The following RIPOR2 variants were observed in gnomAD, a reference collection of about 807,000 sequenced individuals.
RIPOR2 encodes rho family-interacting cell polarization regulator 2.
In RIPOR2, 39 loss-of-function variants were observed where a neutral mutation model predicts 114.5. The observed-to-expected ratio is 0.34, with a 90% CI of 0.26 to 0.44. RIPOR2 has a LOEUF of 0.44. Ranked by LOEUF, RIPOR2 falls within the 20% of genes least tolerant of loss-of-function variation. The pLI, the probability that RIPOR2 is intolerant of heterozygous loss-of-function variation, is 1.00. For synonymous variants in RIPOR2, 445 were observed against 484.4 expected (o/e 0.92, Z 1.07); for missense variants, 1,007 against 1,255.1 (o/e 0.80, Z 2.99).
intron 1 of RIPOR2, 96 bp from the exon 2 acceptor site, chr6:24,875,913 C>T (rs944712602): frequency 8.5e-7 from 1 of 1,179,366 alleles, no homozygotes; most frequent in Non-Finnish European, 1.2e-6. Flanking sequence ...TAAAGTAAGC[C>T]ATGAGACTGT....
chr6:24,944,214 C>G (rs431796), intron 1 of RIPOR2, among the ~76,000 whole-genome samples: 26,408 of 152,054 alleles, frequency 0.17, 2,463 homozygotes, highest in East Asian at 0.34. Flanking sequence ...TTAAGGCTCT[C>G]CAGAAGCAGA....
intron 1 of RIPOR2, among the ~76,000 whole-genome samples, chr6:24,977,980 G>A (rs992831644): frequency 1.3e-4 from 20 of 152,178 alleles, no homozygotes; most frequent in African/African-American, 4.1e-4. Context: ...ATATTGAAAT[G>A]AGCCAAGGAA....
Position 24,902,043 on chromosome 6 carries a change from C to T in RIPOR2, c.62-26226G>A, listed in dbSNP as rs150475545. Among the ~76,000 whole-genome samples the T allele has an allele frequency of 3.3e-4, 50 of 152,184 alleles. No individual in the cohort carries two copies. In the East Asian group the frequency reaches 6.2e-3, roughly 19 times the overall value. On this transcript the variant is annotated intron_variant, in intron 1 of 21. Transcript: ENST00000643898. ...CCTTGAACTTAAACTTGAGGAACAG[C>T]AGACTTTAGGTATCAAAGAAGGAGG...
At chr6:24,971,663 A>G (rs1277441410) in intron 1 of RIPOR2, among the ~76,000 whole-genome samples, 4 of 152,240 alleles carry the variant, frequency 2.6e-5, no homozygotes, top group African/African-American at 9.6e-5. Flanking sequence ...CATTTCCTGA[A>G]GCAGCTATGA....
intron 1 of RIPOR2, among the ~76,000 whole-genome samples, chr6:24,886,643 A>G (rs1254366986): frequency 1.3e-5 from 2 of 152,240 alleles, no homozygotes; most frequent in Non-Finnish European, 2.9e-5. Flanking sequence ...ATGCATTTTT[A>G]GCAGTGATAC....
rs1261775561 is a variant in RIPOR2 at position 24,835,512 on chromosome 6, C to T, written c.2208+191G>A. On this transcript the variant is annotated intron_variant, in intron 15 of 21. Coordinates refer to ENST00000643898, the MANE Select transcript of RIPOR2 (RefSeq NM_001286445.3). ...CTGTGAAGGTCTGGAGAGTTAGGTTCGAAGATGAAAAACCCAAGGTTGTAG... is the reference window on the plus strand; with the variant it reads ...CTGTGAAGGTCTGGAGAGTTAGGTTTGAAGATGAAAAACCCAAGGTTGTAG... Among the ~76,000 whole-genome samples the T allele has an allele frequency of 7.2e-5, 11 of 151,970 alleles. No individual in the cohort carries two copies. In the East Asian group the frequency reaches 1.7e-3, roughly 24 times the overall value.
At chr6:24,874,121 C>G (rs2113892550) in intron 2 of RIPOR2, among the ~76,000 whole-genome samples, 1 of 152,306 alleles carries the variant, frequency 6.6e-6, no homozygotes, top group Non-Finnish European at 1.5e-5. Context: ...GCCTTGAACT[C>G]CTGGGCTCAA....
rs749904065 is a variant in RIPOR2, at chr6:24,850,584, G to A, written c.885+13C>T. 15 of 1,613,810 alleles carry A rather than the reference G, an allele frequency of 9.3e-6. No individual in the cohort carries two copies. The highest frequency in any genetic ancestry group is 1.3e-5 in the Non-Finnish European group (15 of 1,179,854). ...GGCACCAGGAAAGACAACAGGCAAT[G>A]ACAATACTGTACCTTGATGGAGATG... On this transcript the variant is annotated intron_variant, in intron 10 of 21. Coordinates refer to ENST00000643898, the MANE Select transcript of RIPOR2 (RefSeq NM_001286445.3).
intron 1 of RIPOR2, among the ~76,000 whole-genome samples, chr6:25,001,448 C>G (rs1423463138): frequency 6.6e-6 from 1 of 151,696 alleles, no homozygotes; most frequent in Non-Finnish European, 1.5e-5. Context: ...CATGGTGTAA[C>G]CCCGTCTCTA....
At chr6:24,817,978 C>CTTTTTTTT (rs57294288) in intron 20 of RIPOR2, among the ~76,000 whole-genome samples, 2 of 118,366 alleles carry the variant, frequency 1.7e-5, no homozygotes, top group Non-Finnish European at 3.4e-5. Flanking sequence ...CTCTCTCTCT[C>CTTTTTTTT]TTTTTTTTTG....
chr6:24,977,513 C>T (rs760492541), intron 1 of RIPOR2, among the ~76,000 whole-genome samples: 8 of 152,056 alleles, frequency 5.3e-5, no homozygotes, highest in Non-Finnish European at 1.2e-4. Context: ...AAACGGAGAC[C>T]AAATATTTAT....
chr6:24,851,218 T>C (rs899664269), intron 9 of RIPOR2, among the ~76,000 whole-genome samples: 1 of 152,106 alleles, frequency 6.6e-6, no homozygotes, highest in Non-Finnish European at 1.5e-5. Context: ...GCACAGTAAG[T>C]TCTGCCTGCC....
chr6:24,887,400 T>C (rs1171063002), intron 1 of RIPOR2, among the ~76,000 whole-genome samples: 1 of 152,192 alleles, frequency 6.6e-6, no homozygotes, highest in Non-Finnish European at 1.5e-5. Context: ...ATGAATAAAA[T>C]GATGATCATA....
intron 1 of RIPOR2, chr6:24,910,960 G>C: frequency 1.0e-6 from 1 of 985,400 alleles, no homozygotes. Context: ...GGGTGAAGGG[G>C]ACCCCGGGAG....
intron 1 of RIPOR2, among the ~76,000 whole-genome samples, chr6:24,956,402 C>G (rs949266105): frequency 6.6e-6 from 1 of 152,096 alleles, no homozygotes; most frequent in Non-Finnish European, 1.5e-5. Context: ...AACCATTAGA[C>G]TTTTGTTAAA....
At chr6:24,927,442 T>C (rs1481558751) in intron 1 of RIPOR2, among the ~76,000 whole-genome samples, 2 of 151,406 alleles carry the variant, frequency 1.3e-5, no homozygotes, top group East Asian at 1.9e-4. Flanking sequence ...ACCACCACCA[T>C]CATCAACATT....
chr6:24,843,788 T>C (rs1004368354), intron 12 of RIPOR2, among the ~76,000 whole-genome samples: 2 of 151,650 alleles, frequency 1.3e-5, no homozygotes, highest in Admixed American at 1.3e-4. Flanking sequence ...TTTCTATTGT[T>C]GAATCTAGGT....
intron 1 of RIPOR2, among the ~76,000 whole-genome samples, chr6:25,000,958 G>A (rs1183925942): frequency 6.6e-6 from 1 of 152,182 alleles, no homozygotes; most frequent in East Asian, 1.9e-4. Context: ...AGGAGGGCCA[G>A]TCAGTATGTT....
In RIPOR2 at chr6:24,932,314, C is replaced by CTGTG. The variant is rs58590259; in HGVS notation, c.61+3520_61+3523dup. On this transcript the variant is annotated intron_variant, in intron 1 of 21. Coordinates refer to ENST00000643898, the MANE Select transcript of RIPOR2 (RefSeq NM_001286445.3). ...TGTTGTTAGGAAAGCAAACTTAAGA[C>CTGTG]TGTGTGTGTGTGTGTGTGTGTGTGT... Among the ~76,000 whole-genome samples, 456 of 149,192 alleles carry CTGTG rather than the reference C, an allele frequency of 3.1e-3. 2 individuals are homozygous for CTGTG. Among genetic ancestry groups the CTGTG allele is most frequent in the South Asian group, 0.017 (78 of 4,688 alleles).
Sources: gnomAD v4.1 joint callset for allele counts (sites outside exome capture counted in the v4.1 genomes callset) on GRCh38, gnomAD v4.1.1 for gene constraint, MANE v1.5 for transcripts, NCBI Gene and HGNC (gene_info 2026-07-23, HGNC 2026-07-21) for gene names.